Variants in EIF2B3 observed in about 807,000 individuals in gnomAD.
EIF2B3 encodes eukaryotic translation initiation factor 2B subunit gamma.
EIF2B3 carries 20 observed loss-of-function variants against 54.1 expected under a neutral mutation model. The observed-to-expected ratio is 0.37, with a 90% CI of 0.26 to 0.54. The LOEUF (loss-of-function observed/expected upper bound fraction) is 0.54. Among genes scored for constraint, EIF2B3 ranks in the 20% least tolerant of loss-of-function variants. The pLI is 0.86. For missense variants in EIF2B3, 448 were observed against 547.8 expected (o/e 0.82, Z 1.82); for synonymous variants, 153 against 188.1 (o/e 0.81, Z 1.52).
chr1:44,964,081 T>A (rs1644312248), intron 3 of EIF2B3, among the ~76,000 whole-genome samples: 1 of 146,728 alleles, frequency 6.8e-6, no homozygotes, highest in Non-Finnish European at 1.5e-5. Flanking sequence ...ACTAGGTTAG[T>A]ATCAAAATAG....
chr1:44,881,674 GA>G lies in EIF2B3; in HGVS notation c.721del (p.Ser241ProfsTer13), dbSNP rs1214605776. ...YLVRKQFSSA[S>X]SQQGQEEKEE... The stretch of plus-strand genomic sequence containing the variant: ...TTTTTCTTCTTGTCCCTGTTGTGAG[GA>G]AGCTGAGGAAAACTGTTTTCTCACT... On this transcript the variant is annotated frameshift_variant, in exon 7 of 12. Transcript: ENST00000360403. LOFTEE classifies it high-confidence loss of function. This position sits in a 1 kb window ranked among gnomAD's most constrained non-coding sequence, Gnocchi z 4.0. 1 of 1,613,998 alleles carries G rather than the reference GA, an allele frequency of 6.2e-7. No individual in the cohort carries two copies. The highest frequency in any genetic ancestry group is 8.5e-7 in the Non-Finnish European group (1 of 1,180,012).
At chr1:44,879,481 A>G (rs895646489) in intron 8 of EIF2B3, among the ~76,000 whole-genome samples, 1 of 152,110 alleles carries the variant, frequency 6.6e-6, no homozygotes, top group African/African-American at 2.4e-5. Context: ...ATGATTACAG[A>G]GTATTTACCT....
At chr1:44,872,258 C>G (rs1401022409) in intron 10 of EIF2B3, among the ~76,000 whole-genome samples, 2 of 152,016 alleles carry the variant, frequency 1.3e-5, no homozygotes, top group Non-Finnish European at 2.9e-5. Context: ...GTCTCAAACT[C>G]CTGGGCTCAA....
At chr1:44,868,547 T>C (rs939906242) in intron 10 of EIF2B3, among the ~76,000 whole-genome samples, 5 of 151,694 alleles carry the variant, frequency 3.3e-5, no homozygotes. Context: ...CAGACTGTCT[T>C]GAACTCCTGA....
intron 8 of EIF2B3, among the ~76,000 whole-genome samples, chr1:44,878,032 T>A (rs1655256344): frequency 6.6e-6 from 1 of 152,210 alleles, no homozygotes. Flanking sequence ...GCGGTGCACC[T>A]GTGATCTGGA....
rs141814751 is a variant in EIF2B3, at chr1:44,889,758, A to G, written c.656+7597T>C. Among the ~76,000 whole-genome samples, 603 of 151,902 alleles carry G rather than the reference A, an allele frequency of 4.0e-3. 4 individuals are homozygous for G. The highest frequency in any genetic ancestry group is 0.014 in the African/African-American group (571 of 41,416). On this transcript the variant is annotated intron_variant, in intron 6 of 11. Coordinates refer to ENST00000360403, the MANE Select transcript of EIF2B3 (RefSeq NM_020365.5). The stretch of plus-strand genomic sequence containing the variant: ...TGCCCAGGCTGGTCTCAAATTCCTG[A>G]CCTCCAGTGATCCACCTGCCTTGGC...
chr1:44,965,905 G>T (rs1218062515), intron 3 of EIF2B3, among the ~76,000 whole-genome samples: 1 of 151,964 alleles, frequency 6.6e-6, no homozygotes, highest in African/African-American at 2.4e-5. Flanking sequence ...CTCCCAAAGT[G>T]CTGGGATTAC....
chr1:44,868,573 C>T (rs1654861111), intron 10 of EIF2B3, among the ~76,000 whole-genome samples: 1 of 151,540 alleles, frequency 6.6e-6, no homozygotes, highest in Admixed American at 6.6e-5. Flanking sequence ...GGCAATCTGC[C>T]CACCTCAGCC....
chr1:44,901,362 C>T (rs1023291526), intron 5 of EIF2B3, among the ~76,000 whole-genome samples: 9 of 151,974 alleles, frequency 5.9e-5, no homozygotes, highest in Non-Finnish European at 8.8e-5. Context: ...GTGATCCACC[C>T]GCCTCGGCCT....
intron 5 of EIF2B3, among the ~76,000 whole-genome samples, chr1:44,921,500 T>C (rs150745565): frequency 7.2e-5 from 11 of 152,374 alleles, no homozygotes; most frequent in Non-Finnish European, 1.5e-5. Context: ...AATGGTTTCT[T>C]GTAGTAGCTT....
intron 5 of EIF2B3, among the ~76,000 whole-genome samples, chr1:44,907,644 T>C (rs1292727416): frequency 2.6e-5 from 4 of 152,004 alleles, no homozygotes; most frequent in Non-Finnish European, 5.9e-5. Context: ...CTCATGCCTG[T>C]AATCCCAGCA....
At chr1:44,871,105 A>G (rs1251687642) in intron 10 of EIF2B3, among the ~76,000 whole-genome samples, 1 of 152,218 alleles carries the variant, frequency 6.6e-6, no homozygotes, top group Non-Finnish European at 1.5e-5. Context: ...CCAGCCTGCC[A>G]ATCTTGCTCT....
intron 6 of EIF2B3, among the ~76,000 whole-genome samples, chr1:44,885,357 A>C (rs1413494226): frequency 6.6e-6 from 1 of 152,242 alleles, no homozygotes; most frequent in Non-Finnish European, 1.5e-5. Context: ...AAACTAAAAT[A>C]AGATGCAATT....
chr1:44,943,815 ATAAC>A (rs1213453432), intron 3 of EIF2B3, among the ~76,000 whole-genome samples: 1 of 152,222 alleles, frequency 6.6e-6, no homozygotes, highest in African/African-American at 2.4e-5. Context: ...GGCTATTTGT[ATAAC>A]TAAAGAATCT....
At chr1:44,910,519 A>G (rs1308253670) in intron 5 of EIF2B3, among the ~76,000 whole-genome samples, 1 of 151,934 alleles carries the variant, frequency 6.6e-6, no homozygotes, top group Non-Finnish European at 1.5e-5. Context: ...AGTTACTAGT[A>G]CTGACTGATG....
intron 4 of EIF2B3, among the ~76,000 whole-genome samples, chr1:44,932,611 C>T (rs555922245): frequency 0.01 from 1,522 of 151,966 alleles, 9 homozygotes; most frequent in Non-Finnish European, 0.018. Context: ...TGAAGAACTT[C>T]GGAAACAAAA....
intron 4 of EIF2B3, among the ~76,000 whole-genome samples, chr1:44,940,261 A>G (rs542192159): frequency 6.6e-6 from 1 of 152,342 alleles, no homozygotes; most frequent in East Asian, 1.9e-4. Context: ...ATATGCCAAC[A>G]TATAATAATG....
intron 10 of EIF2B3, among the ~76,000 whole-genome samples, chr1:44,871,586 A>T (rs1186642391): frequency 1.3e-5 from 2 of 152,228 alleles, no homozygotes; most frequent in Non-Finnish European, 2.9e-5. Context: ...TCATATAACA[A>T]ATATTTATTG....
intron 10 of EIF2B3, among the ~76,000 whole-genome samples, chr1:44,868,708 TG>T (rs1272048463): frequency 6.6e-6 from 1 of 152,076 alleles, no homozygotes; most frequent in Non-Finnish European, 1.5e-5. Flanking sequence ...TTGTCTTCCT[TG>T]GAAGGTCTGA....
Sources: allele counts gnomAD v4.1 joint callset (sites outside exome capture counted in the v4.1 genomes callset), GRCh38; gene constraint gnomAD v4.1.1; non-coding constraint Gnocchi (gnomAD v3.1); transcripts MANE v1.5; gene names NCBI Gene and HGNC (gene_info 2026-07-23, HGNC 2026-07-21).